Variants in LRRTM3 observed in about 807,000 individuals in gnomAD.
LRRTM3 encodes leucine rich repeat transmembrane neuronal 3.
A neutral mutation model predicts 44.7 loss-of-function variants in LRRTM3; 24 were observed. The observed-to-expected ratio is 0.54, with a 90% CI of 0.39 to 0.76. LRRTM3 has a LOEUF of 0.76. Among genes scored for constraint, LRRTM3 ranks in the 30% least tolerant of loss-of-function variants. LRRTM3 has a pLI of 0.00. For synonymous variants in LRRTM3, 277 were observed against 278.7 expected, an observed-to-expected ratio of 0.99 and a Z score of 0.06; for missense variants, 587 against 702.2, an observed-to-expected ratio of 0.84 and a Z score of 1.85.
chr10:67,097,827 C>T lies in LRRTM3; in HGVS notation c.*31C>T, dbSNP rs773984551. On this transcript the variant is annotated 3_prime_UTR_variant, in exon 3 of 3. Coordinates refer to ENST00000361320, the MANE Select transcript of LRRTM3 (RefSeq NM_178011.5). ...ATCATTGGTAGCCAGGGGTTGCTACCAAACTTTGTAACCTCAAGGACAAAA... is the reference window on the plus strand; with the variant it reads ...ATCATTGGTAGCCAGGGGTTGCTACTAAACTTTGTAACCTCAAGGACAAAA... 4 of 1,599,830 alleles carry T rather than the reference C, an allele frequency of 2.5e-6. No individual in the cohort carries two copies. Among genetic ancestry groups the T allele is most frequent in the Non-Finnish European group, 3.4e-6 (4 of 1,167,944 alleles).
At chr10:66,940,298 C>T (rs2132676593) in intron 2 of LRRTM3, among the ~76,000 whole-genome samples, 1 of 152,030 alleles carries the variant, frequency 6.6e-6, no homozygotes, top group African/African-American at 2.4e-5. Flanking sequence ...CTCTCAAGAC[C>T]AGTCTGGAAA....
rs1444803492 is a variant in LRRTM3 at position 67,098,047 on chromosome 10, T to C, written c.*251T>C. On this transcript the variant is annotated 3_prime_UTR_variant, in exon 3 of 3. Coordinates refer to ENST00000361320, the MANE Select transcript of LRRTM3 (RefSeq NM_178011.5). ...AGTATGACCCTGAAAAATAAAAGAA[T>C]CTTTTTTTTTCAAAACTCATCCTAC... The C allele has an allele frequency of 2.1e-6, 1 of 469,252 alleles. No individual in the cohort carries two copies. The highest frequency in any genetic ancestry group is 3.9e-6 in the Non-Finnish European group (1 of 259,156). The allele number at this position is 469,252 out of a possible 1,614,324, so 29.1% of individuals were successfully genotyped here.
At chr10:67,009,788 T>C (rs1852213303) in intron 2 of LRRTM3, among the ~76,000 whole-genome samples, 1 of 152,204 alleles carries the variant, frequency 6.6e-6, no homozygotes, top group African/African-American at 2.4e-5. Flanking sequence ...AAATCTCTTA[T>C]TTCCTTTTCC....
intron 2 of LRRTM3, 87 bp downstream of exon 2, chr10:66,928,539 G>T (rs916945376): frequency 2.4e-6 from 3 of 1,256,816 alleles, no homozygotes; most frequent in Non-Finnish European, 3.3e-6. Context: ...AAGGGAACGC[G>T]ATGCCCCCCC....
chr10:66,965,009 C>T (rs1055095897), intron 2 of LRRTM3, among the ~76,000 whole-genome samples: 6 of 152,310 alleles, frequency 3.9e-5, no homozygotes, highest in African/African-American at 7.2e-5. Flanking sequence ...AAGATTGCCA[C>T]GTTCCACTCT....
At chr10:67,078,380 A>G (rs1471141735) in intron 2 of LRRTM3, among the ~76,000 whole-genome samples, 1 of 152,250 alleles carries the variant, frequency 6.6e-6, no homozygotes, top group Non-Finnish European at 1.5e-5. Flanking sequence ...TTGTTCTGTA[A>G]GGAAATGAGA....
intron 2 of LRRTM3, among the ~76,000 whole-genome samples, chr10:67,042,829 T>C (rs115876384): frequency 0.03 from 4,572 of 152,220 alleles, 245 homozygotes; most frequent in African/African-American, 0.1. Context: ...CGAGAGTTAA[T>C]TTAGTTCCAA....
At chr10:66,955,686 C>T (rs1848752854) in intron 2 of LRRTM3, among the ~76,000 whole-genome samples, 1 of 152,156 alleles carries the variant, frequency 6.6e-6, no homozygotes, top group Admixed American at 6.6e-5. Flanking sequence ...CTGAGGCCAC[C>T]TATCTAGACT....
rs1269161723 is a variant in LRRTM3, at chr10:67,016,106, C to A, written c.1537-81481C>A. On this transcript the variant is annotated intron_variant, in intron 2 of 2. Coordinates refer to ENST00000361320, the MANE Select transcript of LRRTM3 (RefSeq NM_178011.5). ...TATTTGTTGTGATATACACTTGTGT[C>A]ATTTATTTGCTTGTTTTCCTCTCCA... is the stretch of plus-strand genomic sequence containing the variant. 2.0e-5 allele frequency among the ~76,000 whole-genome samples: 3 copies of A among 152,064 alleles called. No homozygotes were observed. The East Asian group carries it at 5.8e-4, about 29-fold the overall frequency.
intron 2 of LRRTM3, among the ~76,000 whole-genome samples, chr10:66,946,497 C>T (rs1032635825): frequency 1.3e-5 from 2 of 152,076 alleles, no homozygotes; most frequent in African/African-American, 4.8e-5. Context: ...GATCAAGAAA[C>T]AGAACACATC....
chr10:66,955,319 ATATC>A (rs1848730846), intron 2 of LRRTM3, among the ~76,000 whole-genome samples: 1 of 152,184 alleles, frequency 6.6e-6, no homozygotes. Context: ...ACTCTGAATA[ATATC>A]TATCAATTAC....
chr10:67,055,284 C>T (rs1470674555), intron 2 of LRRTM3, among the ~76,000 whole-genome samples: 1 of 152,150 alleles, frequency 6.6e-6, no homozygotes, highest in African/African-American at 2.4e-5. Flanking sequence ...TAAAACTTCT[C>T]ATAATTTCCC....
At chr10:66,987,237 G>A (rs1258686546) in intron 2 of LRRTM3, among the ~76,000 whole-genome samples, 1 of 152,096 alleles carries the variant, frequency 6.6e-6, no homozygotes, top group Non-Finnish European at 1.5e-5. Flanking sequence ...TGAAACGGGT[G>A]GCCACAAAGT....
intron 2 of LRRTM3, among the ~76,000 whole-genome samples, chr10:67,061,003 G>A (rs1325234019): frequency 6.6e-6 from 1 of 151,988 alleles, no homozygotes. Context: ...ACCTCAAAGA[G>A]TCATGGGAAC....
chr10:66,963,334 C>T (rs72804645), intron 2 of LRRTM3, among the ~76,000 whole-genome samples: 2,860 of 152,238 alleles, frequency 0.019, 42 homozygotes, highest in Non-Finnish European at 0.033. Context: ...AATTATTTAC[C>T]TCTATAAGCC....
rs748258676 is a variant in LRRTM3 at position 66,928,491 on chromosome 10, G to A, written c.1536+39G>A. On this transcript the variant is annotated intron_variant, in intron 2 of 2. Coordinates refer to ENST00000361320, the MANE Select transcript of LRRTM3 (RefSeq NM_178011.5). ...TGATAAAAAGAGCTCTTAAAAGCTG[G>A]GAAATAAGTGGTGCTTTATTGAACT... 9 of 1,529,546 alleles carry A rather than the reference G, an allele frequency of 5.9e-6. No homozygotes were observed. The African/African-American group carries it at 1.1e-4, about 19-fold the overall frequency. 94.7% of individuals were successfully genotyped at this position (1,529,546 alleles called of 1,614,324 possible).
chr10:67,065,318 TCA>T (rs1214261726), intron 2 of LRRTM3, among the ~76,000 whole-genome samples: 2 of 152,134 alleles, frequency 1.3e-5, no homozygotes, highest in African/African-American at 4.8e-5. Flanking sequence ...ATTCCTATCT[TCA>T]CAGAGTTGTG....
chr10:67,097,425 T>C (rs1002606704), intron 2 of LRRTM3, among the ~76,000 whole-genome samples, 162 bp from the exon 3 acceptor site: 2 of 151,758 alleles, frequency 1.3e-5, no homozygotes, highest in African/African-American at 2.4e-5. Flanking sequence ...TCTCACCATA[T>C]AGGAATAGGG....
At chr10:67,092,109 G>A (rs1857679048) in intron 2 of LRRTM3, among the ~76,000 whole-genome samples, 1 of 151,874 alleles carries the variant, frequency 6.6e-6, no homozygotes, top group Admixed American at 6.6e-5. Context: ...CTAAAAAACT[G>A]AATTTCTTCA....
Sources: gnomAD v4.1 joint callset for allele counts (sites outside exome capture counted in the v4.1 genomes callset) on GRCh38, gnomAD v4.1.1 for gene constraint, MANE v1.5 for transcripts, NCBI Gene and HGNC (gene_info 2026-07-23, HGNC 2026-07-21) for gene names.